The following XRN2 variants were observed in gnomAD, a reference collection of about 807,000 sequenced individuals.
XRN2 encodes the protein 5'-3' exoribonuclease 2.
Under a neutral mutation model 138.5 loss-of-function variants are expected in XRN2, and 44 were observed. The observed-to-expected ratio is 0.32, with a 90% CI of 0.25 to 0.41. The LOEUF (loss-of-function observed/expected upper bound fraction) is 0.41. Among genes scored for constraint, XRN2 ranks in the 10% least tolerant of loss-of-function variants. The pLI is 1.00. For synonymous variants in XRN2, 354 were observed against 369.4 expected, an observed-to-expected ratio of 0.96 and a Z score of 0.48; for missense variants, 937 against 1,169.3, an observed-to-expected ratio of 0.80 and a Z score of 2.90.
intron 27 of XRN2, among the ~76,000 whole-genome samples, chr20:21,378,846 T>C (rs566480678): frequency 6.6e-6 from 1 of 152,286 alleles, no homozygotes; most frequent in African/African-American, 2.4e-5. Flanking sequence ...GTATTTCTTA[T>C]TGTTGGTGTT....
At chr20:21,329,863 GTGT>G (rs1359584242) in intron 4 of XRN2, among the ~76,000 whole-genome samples, 5 of 92,444 alleles carry the variant, frequency 5.4e-5, no homozygotes, top group Admixed American at 2.0e-4. Context: ...ACTGGTGTGT[GTGT>G]GTGTGTGTGT....
chr20:21,373,243 C>T (rs1305486920), intron 27 of XRN2, among the ~76,000 whole-genome samples: 2 of 152,190 alleles, frequency 1.3e-5, no homozygotes, highest in Admixed American at 6.5e-5. Flanking sequence ...CTCCTGACCT[C>T]GTGATCTGCC....
intron 1 of XRN2, among the ~76,000 whole-genome samples, chr20:21,310,188 T>G (rs1364033384): frequency 1.3e-5 from 2 of 152,226 alleles, no homozygotes. Flanking sequence ...AAAACTCCCT[T>G]TGGCCCGCTG....
At position 21,389,367 on chromosome 20, in the gene XRN2, C is replaced by A; in HGVS notation, c.*29C>A. 6.3e-7 allele frequency: 1 copy of A among 1,593,286 alleles called. No individual in the cohort carries two copies. The highest frequency in any genetic ancestry group is 8.6e-7 in the Non-Finnish European group (1 of 1,167,116). ...TTTGTAAAGCTTTCCCAAATCCTTT[C>A]ATCATTCTACAGTTTTATGCTATTT... On this transcript the variant is annotated 3_prime_UTR_variant, in exon 30 of 30. Coordinates refer to ENST00000377191, the MANE Select transcript of XRN2 (RefSeq NM_012255.5).
rs921929237 is a variant in XRN2 at position 21,349,449 on chromosome 20, T to C, written c.1924T>C (p.Tyr642His). 1.2e-6 allele frequency: 2 copies of C among 1,606,366 alleles called. No homozygotes were observed. Among genetic ancestry groups the C allele is most frequent in the East Asian group, 4.5e-5 (2 of 44,712 alleles). The change falls in exon 20 of 30, where the codon TAT (tyrosine) becomes CAT (histidine). Residue 642 changes from tyrosine to histidine, a missense_variant. Coordinates refer to ENST00000377191, the MANE Select transcript of XRN2 (RefSeq NM_012255.5). The part of the protein sequence containing the change: ...DFAIDLNGKK[Y>H]AWQGVALLPF... Reference sequence around the variant, plus strand: ...TGCTATTGATTTGAATGGGAAGAAATATGCATGGCAAGGTAAAATTTAGAC... The same window carrying C: ...TGCTATTGATTTGAATGGGAAGAAACATGCATGGCAAGGTAAAATTTAGAC...
At chr20:21,333,278 A>G (rs1242667928) in intron 9 of XRN2, among the ~76,000 whole-genome samples, 2 of 152,244 alleles carry the variant, frequency 1.3e-5, no homozygotes, top group Non-Finnish European at 2.9e-5. Context: ...ATGAAAGACT[A>G]TTAAACAGAG....
chr20:21,374,514 G>A (rs941856427), intron 27 of XRN2, among the ~76,000 whole-genome samples: 2 of 151,928 alleles, frequency 1.3e-5, no homozygotes, highest in South Asian at 4.1e-4. Context: ...GTTTCTAGTG[G>A]GTATTGAATT....
At chr20:21,318,493 G>T (rs2037992168) in intron 1 of XRN2, among the ~76,000 whole-genome samples, 1 of 151,646 alleles carries the variant, frequency 6.6e-6, no homozygotes, top group Non-Finnish European at 1.5e-5. Context: ...ATCTTAAGGT[G>T]GAAAGTTAGG....
intron 29 of XRN2, among the ~76,000 whole-genome samples, chr20:21,387,725 G>A (rs6047421): frequency 1 from 151,593 of 152,302 alleles, 75,445 homozygotes; most frequent in Middle Eastern, 1. Flanking sequence ...TTAGAATGCT[G>A]TGATTCAGAG....
chr20:21,325,699 G>A (rs1290796031), intron 1 of XRN2, among the ~76,000 whole-genome samples: 2 of 152,192 alleles, frequency 1.3e-5, no homozygotes, highest in African/African-American at 4.8e-5. Context: ...GACTAGGAAG[G>A]CTCCAGGCTC....
At chr20:21,319,744 A>C (rs796091102) in intron 1 of XRN2, among the ~76,000 whole-genome samples, 5 of 152,222 alleles carry the variant, frequency 3.3e-5, no homozygotes, top group African/African-American at 1.2e-4. Flanking sequence ...TATATATTAC[A>C]TATATTGACA....
At chr20:21,332,528 T>A in intron 9 of XRN2, 88 bp downstream of exon 9, 1 of 1,299,520 alleles carries the variant, frequency 7.7e-7, no homozygotes. Context: ...ATTTCAACCA[T>A]TTTAAAGTAT....
At chr20:21,384,718 C>G (rs1353178879) in intron 28 of XRN2, among the ~76,000 whole-genome samples, 1 of 152,154 alleles carries the variant, frequency 6.6e-6, no homozygotes, top group Non-Finnish European at 1.5e-5. Context: ...GTCTCAAACT[C>G]CTGGGCTGAA....
At chr20:21,368,037 G>C (rs1415410465) in intron 26 of XRN2, among the ~76,000 whole-genome samples, 1 of 152,100 alleles carries the variant, frequency 6.6e-6, no homozygotes, top group Non-Finnish European at 1.5e-5. Context: ...TATTCTATAG[G>C]TTTATGTGTT....
chr20:21,374,169 A>G (rs2038792605), intron 27 of XRN2, among the ~76,000 whole-genome samples: 1 of 152,254 alleles, frequency 6.6e-6, no homozygotes, highest in African/African-American at 2.4e-5. Context: ...GATTTTTTTG[A>G]TATTTGTATC....
chr20:21,321,995 G>A (rs1254268360), intron 1 of XRN2, among the ~76,000 whole-genome samples: 1 of 152,148 alleles, frequency 6.6e-6, no homozygotes, highest in Admixed American at 6.5e-5. Flanking sequence ...TAACATACTG[G>A]TTAAGGTACC....
In XRN2 at chr20:21,349,440, G is replaced by A; in HGVS notation, c.1915G>A (p.Gly639Arg). ...YPEDFAIDLN[G>R]KKYAWQGVAL... ...TGAAGATTTTGCTATTGATTTGAAT[G>A]GGAAGAAATATGCATGGCAAGGTAA... is the stretch of plus-strand genomic sequence containing the variant. The change falls in exon 20 of 30, where the codon GGG (glycine) becomes AGG (arginine). Residue 639 changes from glycine to arginine, a missense_variant. By Grantham distance (125) the Gly-to-Arg change is moderately radical (BLOSUM62 -2). This residue lies in a region of XRN2 where 372 missense variants were observed against 414.4 expected (regional missense o/e 0.90). Transcript: ENST00000377191. 6.2e-7 allele frequency: 1 copy of A among 1,607,428 alleles called. No homozygotes were observed. Among genetic ancestry groups the A allele is most frequent in the Non-Finnish European group, 8.5e-7 (1 of 1,174,512 alleles).
At chr20:21,331,534 C>A in intron 6 of XRN2, 27 bp from the exon 7 acceptor site, 1 of 1,579,954 alleles carries the variant, frequency 6.3e-7, no homozygotes, top group South Asian at 1.1e-5. Context: ...TGGGGATAAT[C>A]TGAAAGTGTT....
intron 1 of XRN2, among the ~76,000 whole-genome samples, chr20:21,320,033 A>G (rs2038015862): frequency 6.6e-6 from 1 of 152,142 alleles, no homozygotes; most frequent in South Asian, 2.1e-4. Context: ...TAACTTTAGT[A>G]AACTTTTTGT....
Sources: gnomAD v4.1 joint callset for allele counts (sites outside exome capture counted in the v4.1 genomes callset) on GRCh38, gnomAD v4.1.1 for gene constraint, gnomAD v4.1.1 regional missense constraint, MANE v1.5 for transcripts, NCBI Gene and HGNC (gene_info 2026-07-23, HGNC 2026-07-21) for gene names.